Variants in LAMA2 observed in about 807,000 individuals in gnomAD.
LAMA2 encodes laminin subunit alpha 2.
A neutral mutation model predicts 364.8 loss-of-function variants in LAMA2; 269 were observed. The ratio of observed to expected loss-of-function variants is 0.74; its 90% CI spans 0.67 to 0.82. The LOEUF is 0.82. Ranked by LOEUF, LAMA2 falls within the 40% of genes least tolerant of loss-of-function variation. The pLI is 0.00. For missense variants in LAMA2, 3,807 were observed against 3,873.2 expected, an observed-to-expected ratio of 0.98 and a Z score of 0.45; for synonymous variants, 1,379 against 1,370.6, an observed-to-expected ratio of 1.01 and a Z score of -0.14.
chr6:129,051,115 A>G (rs970715391), intron 2 of LAMA2, among the ~76,000 whole-genome samples: 3 of 151,164 alleles, frequency 2.0e-5, no homozygotes, highest in African/African-American at 7.3e-5. Flanking sequence ...TTATATCTAT[A>G]TATCTCTATC....
intron 4 of LAMA2, among the ~76,000 whole-genome samples, chr6:129,111,974 T>C (rs1447838204): frequency 6.6e-6 from 1 of 151,980 alleles, no homozygotes; most frequent in Non-Finnish European, 1.5e-5. Flanking sequence ...AAAGCGTGTA[T>C]GTATATACCT....
chr6:129,512,327 T>C (rs759529265), intron 62 of LAMA2, 36 bp from the exon 63 acceptor site: 2 of 1,604,822 alleles, frequency 1.2e-6, no homozygotes, highest in East Asian at 4.5e-5. Flanking sequence ...ATCCCCATCC[T>C]CTAATCCAAA....
chr6:129,038,167 T>C (rs1786799492), intron 1 of LAMA2, among the ~76,000 whole-genome samples: 1 of 152,222 alleles, frequency 6.6e-6, no homozygotes, highest in Non-Finnish European at 1.5e-5. Flanking sequence ...TGTTCACTTC[T>C]GATCATGGTC....
intron 18 of LAMA2, among the ~76,000 whole-genome samples, chr6:129,285,278 T>A (rs1789026842): frequency 6.6e-6 from 1 of 152,204 alleles, no homozygotes; most frequent in African/African-American, 2.4e-5. Flanking sequence ...AGTAATGTGC[T>A]GAAGTGTTGC....
intron 20 of LAMA2, among the ~76,000 whole-genome samples, chr6:129,292,362 C>A (rs1384341951): frequency 6.6e-6 from 1 of 152,084 alleles, no homozygotes; most frequent in Non-Finnish European, 1.5e-5. Flanking sequence ...CAAAACAAAC[C>A]AAAATGTTAC....
chr6:128,906,563 A>G (rs1399871909), intron 1 of LAMA2, among the ~76,000 whole-genome samples: 5 of 149,216 alleles, frequency 3.4e-5, no homozygotes, highest in Non-Finnish European at 7.4e-5. Flanking sequence ...AGGTTGCGAA[A>G]ATTTTCTCCC....
chr6:129,234,763 G>A (rs2115138508), intron 12 of LAMA2, among the ~76,000 whole-genome samples: 1 of 152,160 alleles, frequency 6.6e-6, no homozygotes, highest in African/African-American at 2.4e-5. Context: ...TACACGTACG[G>A]TGTTTCAAGT....
chr6:128,955,069 A>G (rs891916786), intron 1 of LAMA2, among the ~76,000 whole-genome samples: 1 of 151,832 alleles, frequency 6.6e-6, no homozygotes, highest in African/African-American at 2.4e-5. Context: ...TTTTTTATCC[A>G]TAGTAGTAAG....
intron 58 of LAMA2, among the ~76,000 whole-genome samples, chr6:129,495,707 A>G (rs536695433): frequency 3.9e-5 from 6 of 152,016 alleles, no homozygotes; most frequent in African/African-American, 1.2e-4. Flanking sequence ...ACTTACACAA[A>G]CTGCATTTTA....
At chr6:128,984,956 G>T (rs1281545928) in intron 1 of LAMA2, among the ~76,000 whole-genome samples, 1 of 152,068 alleles carries the variant, frequency 6.6e-6, no homozygotes, top group Non-Finnish European at 1.5e-5. Context: ...CTTCCGTGTG[G>T]ATTTTCTACT....
rs28688353 is a variant in LAMA2 at position 128,957,965 on chromosome 6, A to G, written c.112+74608A>G. Among the ~76,000 whole-genome samples the G allele has an allele frequency of 2.7e-5, 4 of 148,472 alleles. No individual in the cohort carries two copies. In the Middle Eastern group the frequency reaches 0.011, roughly 398 times the overall value. ...GTTTGAGGTTTCACTTGAAAATCCT[A>G]TTAGCCCATACAGGGAATAATTCAT... On this transcript the variant is annotated intron_variant, in intron 1 of 64. Coordinates refer to ENST00000421865, the MANE Select transcript of LAMA2 (RefSeq NM_000426.4).
At chr6:129,404,109 C>T in intron 40 of LAMA2, 150 bp downstream of exon 40, 1 of 797,578 alleles carries the variant, frequency 1.3e-6, no homozygotes, top group Admixed American at 2.3e-5. Flanking sequence ...AAAATAAATT[C>T]TCGGTATGCT....
At chr6:129,436,779 A>G (rs1347630610) in intron 41 of LAMA2, 2 of 152,108 alleles carry the variant, frequency 1.3e-5, no homozygotes, top group African/African-American at 4.8e-5. Flanking sequence ...ACAGTTCTTT[A>G]TGATAATCTT....
At chr6:128,905,828 C>T (rs1777424607) in intron 1 of LAMA2, among the ~76,000 whole-genome samples, 2 of 151,562 alleles carry the variant, frequency 1.3e-5, no homozygotes, top group African/African-American at 4.8e-5. Context: ...TGTTCCCCTT[C>T]CTGTGTCCAT....
At chr6:129,310,066 A>AT (rs1170631466) in intron 22 of LAMA2, among the ~76,000 whole-genome samples, 2 of 151,048 alleles carry the variant, frequency 1.3e-5, no homozygotes, top group Non-Finnish European at 2.9e-5. Context: ...CGCCCGGCTA[A>AT]TTTTTTGTAT....
chr6:129,376,546 A>G (rs1272517546), intron 34 of LAMA2, among the ~76,000 whole-genome samples: 3 of 152,160 alleles, frequency 2.0e-5, no homozygotes, highest in African/African-American at 7.2e-5. Flanking sequence ...GATAAAGACC[A>G]AAATTCTCCC....
rs188608146 is a variant in LAMA2, at chr6:128,987,730, G to T, written c.113-62188G>T. On this transcript the variant is annotated intron_variant, in intron 1 of 64. Transcript: ENST00000421865. The stretch of plus-strand genomic sequence containing the variant: ...AAATTAAGACACAGGTTTAATTCTT[G>T]ACCATTGCTGATCACTTGTTTCACC... Among the ~76,000 whole-genome samples the T allele has an allele frequency of 4.1e-3, 626 of 152,276 alleles. 7 individuals are homozygous for T. The highest frequency in any genetic ancestry group is 0.015 in the African/African-American group (609 of 41,552).
At chr6:129,291,092 G>T (rs72977171) in intron 19 of LAMA2, among the ~76,000 whole-genome samples, 3,330 of 152,132 alleles carry the variant, frequency 0.022, 66 homozygotes, top group Non-Finnish European at 0.033. Context: ...TTAAAATTTT[G>T]CCAGGGGTGC....
At chr6:129,087,066 C>G (rs990394960) in intron 3 of LAMA2, among the ~76,000 whole-genome samples, 17 of 152,134 alleles carry the variant, frequency 1.1e-4, no homozygotes, top group African/African-American at 3.6e-4. Context: ...AGTGGATTAT[C>G]CAGGGTGATC....
Sources: gnomAD v4.1 joint callset for allele counts (sites outside exome capture counted in the v4.1 genomes callset) on GRCh38, gnomAD v4.1.1 for gene constraint, MANE v1.5 for transcripts, NCBI Gene and HGNC (gene_info 2026-07-23, HGNC 2026-07-21) for gene names.